The following ABCA13 variants were observed in gnomAD, a reference collection of about 807,000 sequenced individuals.
The protein encoded by ABCA13 is ATP-binding cassette sub-family A member 13.
ABCA13 carries 476 observed loss-of-function variants against 478.7 expected under a neutral mutation model. The ratio of observed to expected loss-of-function variants is 0.99; its 90% confidence interval spans 0.92 to 1.07. The LOEUF is 1.07. Ranked by LOEUF, ABCA13 falls within the 50% of genes least tolerant of loss-of-function variation. The pLI, the probability that ABCA13 is intolerant of heterozygous loss-of-function variation, is 0.00. For synonymous variants in ABCA13, 2,252 were observed against 2,158.9 expected (o/e 1.04, Z -1.20); for missense variants, 6,060 against 5,910.6 (o/e 1.03, Z -0.83).
At position 48,273,423 on chromosome 7, in the gene ABCA13, G is replaced by A. The variant is rs776966250; in HGVS notation, c.3757G>A (p.Val1253Met). 34 of 1,613,358 alleles carry A rather than the reference G, an allele frequency of 2.1e-5. No homozygotes were observed. Among genetic ancestry groups the A allele is most frequent in the Non-Finnish European group, 2.8e-5 (33 of 1,179,656 alleles). Reference sequence around the variant, plus strand: ...AGTAAAAAAACTTAACTTGGAGCAAGTGGAGAAATCCCTTTTCACCATGGA... The same window carrying A: ...AGTAAAAAAACTTAACTTGGAGCAAATGGAGAAATCCCTTTTCACCATGGA... ...VSVKKLNLEQ[V>M]EKSLFTMEAA... Residue 1253 changes from valine to methionine, a missense_variant, in exon 17 of 62, where the codon GTG becomes ATG. Val to Met is a conservative substitution (Grantham distance 21). Transcript: ENST00000435803.
At chr7:48,409,046 C>T (rs1329214191) in intron 39 of ABCA13, among the ~76,000 whole-genome samples, 3 of 152,200 alleles carry the variant, frequency 2.0e-5, no homozygotes, top group African/African-American at 2.4e-5. Context: ...CACATGAACA[C>T]GTTGTGTAAT....
chr7:48,303,503 GATTT>G (rs1800454939), intron 23 of ABCA13, among the ~76,000 whole-genome samples: 1 of 152,018 alleles, frequency 6.6e-6, no homozygotes, highest in African/African-American at 2.4e-5. Flanking sequence ...ATCTTGAGTT[GATTT>G]TTGTATAGCA....
At chr7:48,305,978 A>G (rs144807355) in intron 23 of ABCA13, among the ~76,000 whole-genome samples, 282 of 152,362 alleles carry the variant, frequency 1.9e-3, no homozygotes, top group Non-Finnish European at 3.2e-3. Context: ...TTTACTTTGA[A>G]TAGAAATCAC....
intron 55 of ABCA13, among the ~76,000 whole-genome samples, chr7:48,552,960 C>T (rs58217465): frequency 1.3e-5 from 2 of 148,256 alleles, no homozygotes; most frequent in African/African-American, 4.9e-5. Flanking sequence ...ACTTCCCTCC[C>T]TACACACCCA....
At chr7:48,581,173 C>T (rs1295266245) in intron 56 of ABCA13, among the ~76,000 whole-genome samples, 2 of 152,120 alleles carry the variant, frequency 1.3e-5, no homozygotes, top group African/African-American at 2.4e-5. Flanking sequence ...AAATAAGTGG[C>T]TTATATTATG....
chr7:48,287,870 C>G, intron 19 of ABCA13, 90 bp from the exon 20 acceptor site: 1 of 953,184 alleles, frequency 1.0e-6, no homozygotes, highest in South Asian at 1.5e-5. Context: ...ATTTGTATCA[C>G]TTTGAATCTT....
chr7:48,603,929 G>A (rs1012638670), intron 58 of ABCA13: 1 of 152,106 alleles, frequency 6.6e-6, no homozygotes, highest in African/African-American at 2.4e-5. Context: ...TCTATTCAGG[G>A]ATTTGACTTC....
chr7:48,422,625 A>T (rs1820921045), intron 41 of ABCA13, among the ~76,000 whole-genome samples: 1 of 152,140 alleles, frequency 6.6e-6, no homozygotes, highest in Non-Finnish European at 1.5e-5. Context: ...GTCTCCAGGG[A>T]CACCTCAAAT....
intron 3 of ABCA13, among the ~76,000 whole-genome samples, chr7:48,203,234 G>C (rs1044845031): frequency 6.9e-6 from 1 of 144,552 alleles, no homozygotes; most frequent in Admixed American, 6.8e-5. Context: ...AAGCCCACGC[G>C]CACCGGAACT....
intron 55 of ABCA13, among the ~76,000 whole-genome samples, chr7:48,541,271 G>A (rs943571081): frequency 6.6e-5 from 10 of 152,070 alleles, no homozygotes; most frequent in African/African-American, 1.4e-4. Context: ...TTGGATTGGC[G>A]TTGGTTCCAG....
chr7:48,580,205 G>A lies in ABCA13; in HGVS notation c.14355-19G>A. On this transcript the variant is annotated intron_variant, in intron 55 of 61. Coordinates refer to ENST00000435803, the MANE Select transcript of ABCA13 (RefSeq NM_152701.5). ...TTTGGGAAACTGCTGTTCTCAGCCT[G>A]TGCTGCTTCTCTCTGCAGAGACGCC... The A allele has an allele frequency of 6.3e-7, 1 of 1,595,990 alleles. No individual in the cohort carries two copies. Among genetic ancestry groups the A allele is most frequent in the Non-Finnish European group, 8.5e-7 (1 of 1,172,444 alleles).
intron 48 of ABCA13, among the ~76,000 whole-genome samples, chr7:48,500,961 C>G (rs1830689692): frequency 6.6e-6 from 1 of 152,160 alleles, no homozygotes; most frequent in South Asian, 2.1e-4. Context: ...GCATAATGGG[C>G]AGAGAAAAGA....
At chr7:48,370,201 G>T (rs1015432577) in intron 32 of ABCA13, among the ~76,000 whole-genome samples, 1 of 152,094 alleles carries the variant, frequency 6.6e-6, no homozygotes, top group Admixed American at 6.6e-5. Context: ...CTTGGTCACT[G>T]TTGGTGTATA....
At chr7:48,551,054 T>G (rs1785275380) in intron 55 of ABCA13, among the ~76,000 whole-genome samples, 1 of 151,866 alleles carries the variant, frequency 6.6e-6, no homozygotes, top group Non-Finnish European at 1.5e-5. Context: ...AAATCATTTT[T>G]TCTTTAAATA....
chr7:48,187,315 A>G lies in ABCA13; in HGVS notation c.70-5644A>G, dbSNP rs572802219. ...TAGACACCTGTAGTAGTAATAGTTT[A>G]TTTTTGAAGTTCAGTAGCTTGAAGT... is the stretch of plus-strand genomic sequence containing the variant. On this transcript the variant is annotated intron_variant, in intron 1 of 61. Coordinates refer to ENST00000435803, the MANE Select transcript of ABCA13 (RefSeq NM_152701.5). Among the ~76,000 whole-genome samples the G allele has an allele frequency of 9.4e-5, 12 of 127,474 alleles. 2 individuals carry two copies. In the East Asian group the frequency reaches 1.6e-3, roughly 17 times the overall value. 83.6% of individuals were successfully genotyped at this position (127,474 alleles called of 152,430 possible).
In ABCA13 at chr7:48,587,151, C is replaced by G. The variant is rs1789265866; in HGVS notation, c.14506-3C>G. Reference sequence around the variant, plus strand: ...TGTGCACATGGACATGCCTCTCTTCCAGGTTGCTGGAGACCTCATCAGGCG... The same window carrying G: ...TGTGCACATGGACATGCCTCTCTTCGAGGTTGCTGGAGACCTCATCAGGCG... On this transcript the variant is annotated splice_region_variant and splice_polypyrimidine_tract_variant and intron_variant, in intron 56 of 61. Transcript: ENST00000435803. 6.2e-7 allele frequency: 1 copy of G among 1,613,106 alleles called. No homozygotes were observed. Among genetic ancestry groups the G allele is most frequent in the Non-Finnish European group, 8.5e-7 (1 of 1,179,528 alleles).
At chr7:48,526,503 G>C (rs1255266291) in intron 54 of ABCA13, among the ~76,000 whole-genome samples, 1 of 152,148 alleles carries the variant, frequency 6.6e-6, no homozygotes, top group Non-Finnish European at 1.5e-5. Context: ...CTAAGATACA[G>C]TCCTGTGTTG....
intron 56 of ABCA13, 98 bp downstream of exon 56, chr7:48,580,472 AGG>A: frequency 8.5e-7 from 1 of 1,179,394 alleles, no homozygotes; most frequent in South Asian, 1.6e-5. Flanking sequence ...TATGAGGAGA[AGG>A]AACTGTAGTA....
At chr7:48,360,213 C>T (rs947381406) in intron 31 of ABCA13, among the ~76,000 whole-genome samples, 14 of 147,550 alleles carry the variant, frequency 9.5e-5, no homozygotes, top group African/African-American at 2.8e-4. Flanking sequence ...TGACAGGCCC[C>T]GGTGTGTGAT....
Sources: gnomAD v4.1 joint callset for allele counts (sites outside exome capture counted in the v4.1 genomes callset) on GRCh38, gnomAD v4.1.1 for gene constraint, MANE v1.5 for transcripts, NCBI Gene and HGNC (gene_info 2026-07-23, HGNC 2026-07-21) for gene names.